The following MYL11 variants were observed in gnomAD, a reference collection of about 807,000 sequenced individuals.
MYL11 encodes myosin regulatory light chain 11.
the MYL11 span, chr16:30,376,160 G>T: frequency 1.2e-6 from 2 of 1,613,928 alleles, no homozygotes; most frequent in South Asian, 2.2e-5. Context: ...CACTGTGATC[G>T]ACCAGAACCG....
the MYL11 span, chr16:30,372,909 A>G: frequency 6.6e-6 from 1 of 152,622 alleles, no homozygotes; most frequent in Non-Finnish European, 1.5e-5. Context: ...TCCGCCCAGC[A>G]CATCTGCTCC....
chr16:30,375,860 G>C, the MYL11 span: 4 of 1,614,134 alleles, frequency 2.5e-6, no homozygotes, highest in Non-Finnish European at 3.4e-6. Flanking sequence ...GAGGGCGGAA[G>C]CTCCAGCGTC....
At chr16:30,376,182 T>C in the MYL11 span, 2 of 1,614,002 alleles carry the variant, frequency 1.2e-6, no homozygotes, top group Non-Finnish European at 1.7e-6. Flanking sequence ...GATGGTATTA[T>C]AGACAAGGAG....
At chr16:30,374,909 CA>C in the MYL11 span, 1 of 1,594,502 alleles carries the variant, frequency 6.3e-7, no homozygotes, top group Non-Finnish European at 8.5e-7. Context: ...GACCTCAGGG[CA>C]GCCTCACCCT....
the MYL11 span, chr16:30,374,659 C>A: frequency 1.7e-6 from 1 of 575,108 alleles, no homozygotes; most frequent in Non-Finnish European, 3.0e-6. Context: ...GCTCCAGCTG[C>A]TGCCAGCCCT....
the MYL11 span, chr16:30,377,696 G>A: frequency 1.3e-6 from 2 of 1,566,224 alleles, no homozygotes; most frequent in Non-Finnish European, 8.7e-7. Context: ...GCTTCTCCCA[G>A]GAGGAGGTGA....
the MYL11 span, among the ~76,000 whole-genome samples, chr16:30,371,610 C>T: frequency 3.3e-5 from 5 of 152,164 alleles, no homozygotes; most frequent in African/African-American, 1.2e-4. Context: ...GCTCCAGTTC[C>T]TCAGACCTTA....
chr16:30,377,476 C>G, the MYL11 span: 17 of 542,624 alleles, frequency 3.1e-5, no homozygotes, highest in Non-Finnish European at 5.2e-5. Context: ...GGTAAGATTG[C>G]ATTTTCACAG....
At chr16:30,376,041 G>A in the MYL11 span, 1 of 1,497,794 alleles carries the variant, frequency 6.7e-7, no homozygotes, top group East Asian at 2.3e-5. Flanking sequence ...TGCTTGGGGT[G>A]GAAGAGGACA....
chr16:30,377,930 C>G, the MYL11 span: 4 of 1,580,356 alleles, frequency 2.5e-6, no homozygotes, highest in African/African-American at 2.7e-5. Flanking sequence ...CTGCCCGACG[C>G]TTCTGTTCGG....
chr16:30,374,765 G>GC, the MYL11 span: 1 of 1,522,264 alleles, frequency 6.6e-7, no homozygotes, highest in Non-Finnish European at 8.9e-7. Context: ...GCTCCCTGGG[G>GC]CAGGACTATA....
the MYL11 span, chr16:30,376,640 A>G: frequency 3.1e-6 from 5 of 1,613,934 alleles, no homozygotes; most frequent in Non-Finnish European, 3.4e-6. Flanking sequence ...TGAGGATGTG[A>G]TCACCGGAGC....
chr16:30,377,576 G>T, the MYL11 span: 26 of 1,361,514 alleles, frequency 1.9e-5, no homozygotes, highest in South Asian at 4.9e-4. Flanking sequence ...GCTGGGGCTG[G>T]CATCGGGGAT....
the MYL11 span, chr16:30,377,928 C>A: frequency 1.3e-6 from 2 of 1,582,166 alleles, no homozygotes; most frequent in Non-Finnish European, 8.7e-7. Context: ...CGCTGCCCGA[C>A]GCTTCTGTTC....
chr16:30,376,845 T>G, the MYL11 span: 1 of 773,590 alleles, frequency 1.3e-6, no homozygotes, highest in Non-Finnish European at 2.1e-6. Context: ...GGCAGGAGGA[T>G]TTACTTGAGG....
At chr16:30,374,915 C>T in the MYL11 span, 1 of 1,592,808 alleles carries the variant, frequency 6.3e-7, no homozygotes, top group Admixed American at 1.8e-5. Flanking sequence ...AGGGCAGCCT[C>T]ACCCTTTGAA....
chr16:30,376,650 C>T, the MYL11 span: 3 of 1,614,024 alleles, frequency 1.9e-6, no homozygotes, highest in African/African-American at 1.3e-5. Context: ...ATCACCGGAG[C>T]CTTCAAGGTC....
the MYL11 span, chr16:30,374,721 C>A: frequency 8.8e-7 from 1 of 1,130,892 alleles, no homozygotes; most frequent in Non-Finnish European, 1.2e-6. Context: ...GGGGTGGGCA[C>A]CCGCAGGGCT....
chr16:30,375,960 G>A, the MYL11 span: 1 of 1,586,630 alleles, frequency 6.3e-7, no homozygotes, highest in Non-Finnish European at 8.6e-7. Context: ...AAGCAGCCCT[G>A]CTGGCCCTCT....
Sources: gnomAD v4.1 joint callset for allele counts (sites outside exome capture counted in the v4.1 genomes callset) on GRCh38, gnomAD v4.1.1 for gene constraint, MANE v1.5 for transcripts, NCBI Gene and HGNC (gene_info 2026-07-23, HGNC 2026-07-21) for gene names.